Variants in PALLD observed in about 807,000 individuals in gnomAD.
PALLD encodes the protein palladin.
In PALLD, 61 loss-of-function variants were observed where a neutral mutation model predicts 123.5. That is an observed-to-expected ratio of 0.49 (90% confidence interval 0.40 to 0.61). The LOEUF is 0.61. Among genes scored for constraint, PALLD ranks in the 20% least tolerant of loss-of-function variants. The pLI is 0.00. For missense variants in PALLD, 1,273 were observed against 1,377.0 expected (o/e 0.92, Z 1.20); for synonymous variants, 465 against 496.4 (o/e 0.94, Z 0.84).
intron 11 of PALLD, 80 bp from the exon 12 acceptor site, chr4:168,894,498 GT>G: frequency 1.2e-6 from 1 of 844,272 alleles, no homozygotes; most frequent in Non-Finnish European, 2.0e-6. Context: ...AAAGTGTGTT[GT>G]TTTTTACTCT....
chr4:168,544,205 T>C (rs1765919915), intron 2 of PALLD, among the ~76,000 whole-genome samples: 2 of 152,278 alleles, frequency 1.3e-5, no homozygotes, highest in South Asian at 2.1e-4. Context: ...GATTATTAGA[T>C]GATTTGAAAT....
intron 2 of PALLD, chr4:168,598,613 A>G (rs566122181): frequency 5.7e-5 from 19 of 331,642 alleles, no homozygotes; most frequent in South Asian, 4.9e-4. Flanking sequence ...CACCTCTTTA[A>G]TACCAGCTAT....
At chr4:168,641,015 T>C (rs1299972783) in intron 2 of PALLD, among the ~76,000 whole-genome samples, 2 of 152,156 alleles carry the variant, frequency 1.3e-5, no homozygotes, top group African/African-American at 2.4e-5. Flanking sequence ...GAGACCATCC[T>C]GGCTAACACA....
At chr4:168,811,097 C>T (rs1741048988) in intron 10 of PALLD, among the ~76,000 whole-genome samples, 1 of 152,184 alleles carries the variant, frequency 6.6e-6, no homozygotes, top group South Asian at 2.1e-4. Flanking sequence ...GAGAGAACAG[C>T]AGCATTTATT....
chr4:168,623,505 A>G (rs1774953348), intron 2 of PALLD, among the ~76,000 whole-genome samples: 1 of 152,230 alleles, frequency 6.6e-6, no homozygotes, highest in Non-Finnish European at 1.5e-5. Context: ...TCTGAAGAGC[A>G]ATGGTAGAAA....
At position 168,875,547 on chromosome 4, in the gene PALLD, A is replaced by T. The variant is rs563396623; in HGVS notation, c.1965-15375A>T. Among the ~76,000 whole-genome samples, 7 of 152,180 alleles carry T rather than the reference A, an allele frequency of 4.6e-5. No individual in the cohort carries two copies. The South Asian group carries it at 1.5e-3, about 32-fold the overall frequency. ...CCAGTCCCTGCATATTATATTCTTG[A>T]TGCCTCACTGAACCACTTAAAAATG... On this transcript the variant is annotated intron_variant, in intron 10 of 21. Transcript: ENST00000505667.
At chr4:168,846,666 T>C (rs1476635137) in intron 10 of PALLD, among the ~76,000 whole-genome samples, 1 of 152,150 alleles carries the variant, frequency 6.6e-6, no homozygotes, top group Non-Finnish European at 1.5e-5. Context: ...TTCAAATACA[T>C]GTAAATCACA....
chr4:168,811,705 G>A (rs1245753958), intron 10 of PALLD, among the ~76,000 whole-genome samples: 1 of 151,822 alleles, frequency 6.6e-6, no homozygotes, highest in Non-Finnish European at 1.5e-5. Context: ...TCATACCACT[G>A]CATAACAGCC....
intron 10 of PALLD, among the ~76,000 whole-genome samples, chr4:168,853,340 C>A (rs1006718006): frequency 1.3e-5 from 2 of 152,294 alleles, no homozygotes; most frequent in East Asian, 1.9e-4. Flanking sequence ...TCTAGACCAG[C>A]CTTTACTCAC....
At chr4:168,739,950 C>G (rs891126617) in intron 10 of PALLD, among the ~76,000 whole-genome samples, 1 of 152,120 alleles carries the variant, frequency 6.6e-6, no homozygotes, top group East Asian at 1.9e-4. Context: ...TTGAAAGATA[C>G]CATTGTTTCA....
chr4:168,679,871 G>A (rs139478151), intron 3 of PALLD, among the ~76,000 whole-genome samples: 1 of 152,076 alleles, frequency 6.6e-6, no homozygotes. Context: ...GACAAGAATG[G>A]ATTGTGGTAG....
At chr4:168,633,468 A>G (rs1776033987) in intron 2 of PALLD, among the ~76,000 whole-genome samples, 1 of 152,224 alleles carries the variant, frequency 6.6e-6, no homozygotes, top group Non-Finnish European at 1.5e-5. Flanking sequence ...TAACTAGTAG[A>G]CATGAGTGTC....
intron 2 of PALLD, among the ~76,000 whole-genome samples, chr4:168,545,675 A>T (rs1387902327): frequency 6.6e-6 from 1 of 152,146 alleles, no homozygotes; most frequent in South Asian, 2.1e-4. Context: ...TCTGTCCTAG[A>T]TCCATTCCAG....
intron 2 of PALLD, among the ~76,000 whole-genome samples, chr4:168,616,476 A>G (rs1008352360): frequency 1.1e-4 from 16 of 152,224 alleles, no homozygotes; most frequent in African/African-American, 3.4e-4. Flanking sequence ...TGGATACTAC[A>G]GAAGCAGGCC....
intron 2 of PALLD, among the ~76,000 whole-genome samples, chr4:168,517,029 G>T (rs1484702331): frequency 1.3e-5 from 2 of 152,186 alleles, no homozygotes; most frequent in African/African-American, 4.8e-5. Context: ...AAGGAGCTTG[G>T]CAATTGGCCA....
intron 2 of PALLD, among the ~76,000 whole-genome samples, chr4:168,576,928 A>C (rs1215894728): frequency 1.3e-5 from 2 of 152,066 alleles, no homozygotes; most frequent in Non-Finnish European, 2.9e-5. Flanking sequence ...TCAGGAAAAA[A>C]CAGGTGCTGG....
At chr4:168,648,690 G>T (rs1777735356) in intron 2 of PALLD, 1 of 152,098 alleles carries the variant, frequency 6.6e-6, no homozygotes, top group African/African-American at 2.4e-5. Context: ...ACACAAACTT[G>T]GTGGAAGGCA....
intron 2 of PALLD, among the ~76,000 whole-genome samples, chr4:168,601,933 A>G (rs1052459588): frequency 1.3e-5 from 2 of 152,102 alleles, no homozygotes; most frequent in African/African-American, 4.8e-5. Flanking sequence ...GTTTCATGGC[A>G]TAACTTCTGC....
At chr4:168,794,659 A>G (rs1430197613) in intron 10 of PALLD, among the ~76,000 whole-genome samples, 5 of 152,088 alleles carry the variant, frequency 3.3e-5, no homozygotes, top group East Asian at 3.9e-4. Flanking sequence ...GCCTCTCGGT[A>G]TGGTGGCTTA....
Sources: gnomAD v4.1 joint callset for allele counts (sites outside exome capture counted in the v4.1 genomes callset) on GRCh38, gnomAD v4.1.1 for gene constraint, MANE v1.5 for transcripts, NCBI Gene and HGNC (gene_info 2026-07-23, HGNC 2026-07-21) for gene names.